Variants in NRG3 observed in about 807,000 individuals in gnomAD.
NRG3 encodes pro-neuregulin-3, membrane-bound isoform.
A neutral mutation model predicts 66.9 loss-of-function variants in NRG3; 31 were observed. The ratio of observed to expected loss-of-function variants is 0.46; its 90% CI spans 0.35 to 0.63. The LOEUF (loss-of-function observed/expected upper bound fraction) is 0.63, where lower values mean the gene tolerates loss of function less well. NRG3 is among the 20% of genes least tolerant of loss of function. The pLI, the probability that NRG3 is intolerant of heterozygous loss-of-function variation, is 0.00. For synonymous variants in NRG3, 393 were observed against 359.4 expected, an observed-to-expected ratio of 1.09 and a Z score of -1.06; for missense variants, 910 against 878.9, an observed-to-expected ratio of 1.04 and a Z score of -0.45.
intron 1 of NRG3, among the ~76,000 whole-genome samples, chr10:81,971,926 A>G (rs1248296542): frequency 1.3e-5 from 2 of 152,214 alleles, no homozygotes; most frequent in African/African-American, 2.4e-5. Flanking sequence ...TTAGTAGAGG[A>G]CTGCACAGCA....
chr10:82,091,889 A>T (rs2066046462), intron 1 of NRG3, among the ~76,000 whole-genome samples: 1 of 152,180 alleles, frequency 6.6e-6, no homozygotes, highest in Non-Finnish European at 1.5e-5. Flanking sequence ...GCACTTTCCC[A>T]GTAGTCAATT....
At chr10:82,235,069 T>G (rs569643907) in intron 1 of NRG3, among the ~76,000 whole-genome samples, 1 of 152,240 alleles carries the variant, frequency 6.6e-6, no homozygotes, top group South Asian at 2.1e-4. Flanking sequence ...CCCAGCAACT[T>G]GAGTGACAGA....
intron 2 of NRG3, among the ~76,000 whole-genome samples, chr10:82,554,550 C>T (rs2044526525): frequency 6.6e-6 from 1 of 152,140 alleles, no homozygotes; most frequent in Admixed American, 6.6e-5. Context: ...AACCATGTCA[C>T]TCTTGGAGCA....
chr10:82,197,785 A>C (rs1268424624), intron 1 of NRG3, among the ~76,000 whole-genome samples: 2 of 152,314 alleles, frequency 1.3e-5, no homozygotes, highest in South Asian at 4.1e-4. Context: ...GAGAAACAAA[A>C]ATTTTGAGTC....
Position 82,143,273 on chromosome 10 carries a change from A to G in NRG3, c.824-215466A>G, listed in dbSNP as rs1056105197. On this transcript the variant is annotated intron_variant, in intron 1 of 8. Transcript: ENST00000372141. ...GGCAGGGGGCGGAGACTAAATGCAC[A>G]TAAGTTGAGGATAATAAGATGACAC... Among the ~76,000 whole-genome samples, 8 of 152,174 alleles carry G rather than the reference A, an allele frequency of 5.3e-5. No individual in the cohort carries two copies. The East Asian group carries it at 1.5e-3, about 29-fold the overall frequency.
At chr10:82,010,035 T>C (rs1021303392) in intron 1 of NRG3, among the ~76,000 whole-genome samples, 1 of 152,168 alleles carries the variant, frequency 6.6e-6, no homozygotes, top group African/African-American at 2.4e-5. Flanking sequence ...CCTCATGAGA[T>C]CTGAGATGTA....
At chr10:82,795,531 A>G (rs2060764668) in intron 3 of NRG3, among the ~76,000 whole-genome samples, 3 of 152,218 alleles carry the variant, frequency 2.0e-5, no homozygotes. Context: ...CAACATTACA[A>G]CAAATTTCTT....
At chr10:82,783,157 C>G (rs568250735) in intron 3 of NRG3, among the ~76,000 whole-genome samples, 1 of 152,226 alleles carries the variant, frequency 6.6e-6, no homozygotes, top group Non-Finnish European at 1.5e-5. Flanking sequence ...AATTCAACAA[C>G]GCTTCATGCT....
intron 2 of NRG3, among the ~76,000 whole-genome samples, chr10:82,449,046 C>T (rs2090889140): frequency 6.6e-6 from 1 of 152,134 alleles, no homozygotes; most frequent in Non-Finnish European, 1.5e-5. Context: ...AAAGGAGAAG[C>T]ACTGGAATGA....
At chr10:82,345,446 A>G (rs1488925709) in intron 1 of NRG3, among the ~76,000 whole-genome samples, 1 of 151,906 alleles carries the variant, frequency 6.6e-6, no homozygotes, top group Non-Finnish European at 1.5e-5. Flanking sequence ...TACCAGTACC[A>G]TGCTGTTTTG....
At chr10:82,461,873 G>A (rs1351138295) in intron 2 of NRG3, among the ~76,000 whole-genome samples, 2 of 152,146 alleles carry the variant, frequency 1.3e-5, no homozygotes. Flanking sequence ...GCTCACACCT[G>A]TAATCCCAGC....
intron 1 of NRG3, among the ~76,000 whole-genome samples, chr10:82,210,941 T>C (rs1589328045): frequency 1.4e-5 from 2 of 147,660 alleles, no homozygotes; most frequent in Admixed American, 1.4e-4. Flanking sequence ...AAAAAAAGGC[T>C]GCATATCTTG....
chr10:82,300,368 G>T (rs376028239), intron 1 of NRG3, among the ~76,000 whole-genome samples: 1 of 152,074 alleles, frequency 6.6e-6, no homozygotes, highest in Non-Finnish European at 1.5e-5. Context: ...TTACTTTTGT[G>T]TGTTTGAAAA....
At chr10:82,752,693 T>C (rs2134960225) in intron 3 of NRG3, among the ~76,000 whole-genome samples, 1 of 152,280 alleles carries the variant, frequency 6.6e-6, no homozygotes. Context: ...GTAGATTAGA[T>C]CATCAGAGTG....
intron 2 of NRG3, among the ~76,000 whole-genome samples, chr10:82,725,523 G>T (rs1016216408): frequency 6.6e-5 from 10 of 152,102 alleles, no homozygotes; most frequent in Non-Finnish European, 1.2e-4. Flanking sequence ...ATCAGAACGG[G>T]ATATCGTTAT....
At chr10:82,679,981 T>C (rs2053996207) in intron 2 of NRG3, among the ~76,000 whole-genome samples, 1 of 152,242 alleles carries the variant, frequency 6.6e-6, no homozygotes, top group Admixed American at 6.5e-5. Context: ...TCATATAGTA[T>C]ACCATATTCA....
At chr10:82,699,552 CT>C (rs931722600) in intron 2 of NRG3, among the ~76,000 whole-genome samples, 4 of 151,316 alleles carry the variant, frequency 2.6e-5, no homozygotes, top group Middle Eastern at 3.4e-3. Flanking sequence ...TTGGCCAATT[CT>C]TTTTTTTTAT....
Position 82,326,333 on chromosome 10 carries a change from C to T in NRG3, c.824-32406C>T, listed in dbSNP as rs546551915. Among the ~76,000 whole-genome samples the T allele has an allele frequency of 4.6e-5, 7 of 152,180 alleles. No individual in the cohort carries two copies. The East Asian group carries it at 9.7e-4, about 21-fold the overall frequency. ...CACTTATAAGATTTACAATTTATCACTGGTTTTCAATTTATTGCTGTAAAA... is the reference window on the plus strand; with the variant it reads ...CACTTATAAGATTTACAATTTATCATTGGTTTTCAATTTATTGCTGTAAAA... On this transcript the variant is annotated intron_variant, in intron 1 of 8. Coordinates refer to ENST00000372141, the MANE Select transcript of NRG3 (RefSeq NM_001010848.4).
At chr10:82,185,689 A>G (rs1459391537) in intron 1 of NRG3, among the ~76,000 whole-genome samples, 3 of 152,210 alleles carry the variant, frequency 2.0e-5, no homozygotes, top group Non-Finnish European at 2.9e-5. Flanking sequence ...AGTTTAATGC[A>G]GAAGCAGAAA....
Sources: allele counts gnomAD v4.1 joint callset (sites outside exome capture counted in the v4.1 genomes callset), GRCh38; gene constraint gnomAD v4.1.1; transcripts MANE v1.5; gene names NCBI Gene and HGNC (gene_info 2026-07-23, HGNC 2026-07-21).